The following RAB11FIP4 variants were observed in gnomAD, a reference collection of about 807,000 sequenced individuals.
RAB11FIP4 encodes the protein rab11 family-interacting protein 4.
A neutral mutation model predicts 74.3 loss-of-function variants in RAB11FIP4; 23 were observed. The observed-to-expected ratio is 0.31, with a 90% CI of 0.22 to 0.44. The LOEUF is 0.44. Among genes scored for constraint, RAB11FIP4 ranks in the 20% least tolerant of loss-of-function variants. The pLI, the probability that RAB11FIP4 is intolerant of heterozygous loss-of-function variation, is 1.00. For missense variants in RAB11FIP4, 630 were observed against 863.9 expected (o/e 0.73, Z 3.39); for synonymous variants, 360 against 359.9 (o/e 1.00, Z 0.00).
intron 8 of RAB11FIP4, 72 bp from the exon 9 acceptor site, chr17:31,523,821 C>A (rs1340681066): frequency 1.6e-6 from 2 of 1,224,044 alleles, no homozygotes; most frequent in Non-Finnish European, 2.4e-6. Context: ...GCTCATGAAC[C>A]TCATGGCGTC....
At chr17:31,436,503 C>T (rs1364421540) in intron 3 of RAB11FIP4, among the ~76,000 whole-genome samples, 1 of 152,160 alleles carries the variant, frequency 6.6e-6, no homozygotes, top group African/African-American at 2.4e-5. Flanking sequence ...GTGGCCCCCA[C>T]ATTCTGCCAT....
At chr17:31,393,105 T>G (rs2070891956) in intron 1 of RAB11FIP4, among the ~76,000 whole-genome samples, 1 of 152,224 alleles carries the variant, frequency 6.6e-6, no homozygotes. Context: ...CACCCGCACC[T>G]GGGCATGGGC....
chr17:31,456,278 C>T (rs2071577860), intron 3 of RAB11FIP4, among the ~76,000 whole-genome samples: 1 of 139,496 alleles, frequency 7.2e-6, no homozygotes, highest in East Asian at 2.1e-4. Context: ...AGTGCAGTGG[C>T]ACAATCTTGG....
intron 14 of RAB11FIP4, chr17:31,531,109 G>C (rs1304034115): frequency 1.9e-5 from 3 of 160,334 alleles, no homozygotes; most frequent in African/African-American, 4.8e-5. Context: ...GGGGTGAAGA[G>C]CTGACCTCTG....
intron 3 of RAB11FIP4, chr17:31,465,549 C>T (rs1290616668): frequency 6.7e-6 from 1 of 148,820 alleles, no homozygotes; most frequent in Admixed American, 6.7e-5. Context: ...CCCTGCTGGG[C>T]GCAGTGGTGC....
chr17:31,412,816 T>C (rs2071110913), intron 1 of RAB11FIP4, among the ~76,000 whole-genome samples: 1 of 152,102 alleles, frequency 6.6e-6, no homozygotes, highest in African/African-American at 2.4e-5. Context: ...CCAAGTGGGG[T>C]TTCCGTGGTG....
At chr17:31,393,353 T>C (rs736599) in intron 1 of RAB11FIP4, among the ~76,000 whole-genome samples, 340 of 152,276 alleles carry the variant, frequency 2.2e-3, no homozygotes, top group African/African-American at 7.8e-3. Context: ...CTGAGCAGAC[T>C]CCTGGCATGG....
intron 1 of RAB11FIP4, among the ~76,000 whole-genome samples, chr17:31,404,158 G>A (rs934547304): frequency 1.3e-5 from 2 of 152,226 alleles, no homozygotes; most frequent in African/African-American, 4.8e-5. Context: ...CAGGCTGTGT[G>A]GGGCTGAGTC....
intron 3 of RAB11FIP4, among the ~76,000 whole-genome samples, chr17:31,484,335 T>G (rs1411099213): frequency 6.6e-6 from 1 of 151,440 alleles, no homozygotes; most frequent in Non-Finnish European, 1.5e-5. Context: ...CCTCCCAAAG[T>G]GCTGGGATTA....
At chr17:31,484,251 A>G (rs1157594585) in intron 3 of RAB11FIP4, among the ~76,000 whole-genome samples, 1 of 151,790 alleles carries the variant, frequency 6.6e-6, no homozygotes, top group Non-Finnish European at 1.5e-5. Context: ...TTGTATTTTT[A>G]GCAGAGACAG....
In RAB11FIP4 at chr17:31,441,681, C is replaced by A. The variant is rs530687651; in HGVS notation, c.336+7559C>A. Among the ~76,000 whole-genome samples, 7 of 151,982 alleles carry A rather than the reference C, an allele frequency of 4.6e-5. No individual in the cohort carries two copies. In the East Asian group the frequency reaches 1.4e-3, roughly 30 times the overall value. On this transcript the variant is annotated intron_variant, in intron 3 of 14. Transcript: ENST00000621161. ...TAGCTGAGATTACAGGCGCCCACGACCATGCCTGGCTAATTTTTGTATTTT... is the reference window on the plus strand; with the variant it reads ...TAGCTGAGATTACAGGCGCCCACGAACATGCCTGGCTAATTTTTGTATTTT...
chr17:31,498,456 A>G (rs1034402267), intron 3 of RAB11FIP4, among the ~76,000 whole-genome samples: 19 of 152,220 alleles, frequency 1.2e-4, no homozygotes, highest in African/African-American at 4.3e-4. Flanking sequence ...AGGGAGGAGG[A>G]GAGGGTTATA....
chr17:31,500,653 A>T (rs1466161950), intron 3 of RAB11FIP4, among the ~76,000 whole-genome samples: 1 of 152,232 alleles, frequency 6.6e-6, no homozygotes, highest in African/African-American at 2.4e-5. Flanking sequence ...TTGCCTTTGC[A>T]ATTCTAACGT....
chr17:31,473,421 T>C (rs989714050), intron 3 of RAB11FIP4, among the ~76,000 whole-genome samples: 4 of 151,232 alleles, frequency 2.6e-5, no homozygotes, highest in Non-Finnish European at 4.4e-5. Context: ...CATGTTCCTG[T>C]AGTCCTAGCT....
chr17:31,490,481 C>T (rs975742537), intron 3 of RAB11FIP4, among the ~76,000 whole-genome samples: 6 of 151,988 alleles, frequency 3.9e-5, no homozygotes, highest in African/African-American at 1.5e-4. Flanking sequence ...TCCCAGAAGG[C>T]AGGCATCTCC....
chr17:31,405,217 G>A (rs1360600364), intron 1 of RAB11FIP4, among the ~76,000 whole-genome samples: 1 of 152,060 alleles, frequency 6.6e-6, no homozygotes, highest in East Asian at 1.9e-4. Flanking sequence ...GCTCCCAGGC[G>A]GTCTGGAGGC....
chr17:31,429,828 CA>C (rs751342010), intron 1 of RAB11FIP4, among the ~76,000 whole-genome samples: 2,782 of 80,226 alleles, frequency 0.035, 37 homozygotes, highest in African/African-American at 0.12. Context: ...GATTCCATCT[CA>C]AAAAAAAAAA....
chr17:31,413,433 C>T (rs1010273765), intron 1 of RAB11FIP4, among the ~76,000 whole-genome samples: 2 of 151,826 alleles, frequency 1.3e-5, no homozygotes, highest in Admixed American at 6.6e-5. Context: ...TTCCATAGGC[C>T]CCCCGAGAAG....
chr17:31,451,295 C>CA (rs1271353095), intron 3 of RAB11FIP4, among the ~76,000 whole-genome samples: 8 of 151,808 alleles, frequency 5.3e-5, no homozygotes, highest in Non-Finnish European at 7.4e-5. Flanking sequence ...CCCGTCTCTA[C>CA]TAAGAATACA....
Sources: gnomAD v4.1 joint callset for allele counts (sites outside exome capture counted in the v4.1 genomes callset) on GRCh38, gnomAD v4.1.1 for gene constraint, MANE v1.5 for transcripts, NCBI Gene and HGNC (gene_info 2026-07-23, HGNC 2026-07-21) for gene names.